The following ADCY4 variants were observed in gnomAD, a reference collection of about 807,000 sequenced individuals.
The protein encoded by ADCY4 is adenylate cyclase 4, also known as adenylate cyclase type 4.
In ADCY4, 111 loss-of-function variants were observed where a neutral mutation model predicts 125.5. The ratio of observed to expected loss-of-function variants is 0.88; its 90% CI spans 0.76 to 1.04. ADCY4 has a LOEUF of 1.04. Ranked by LOEUF, ADCY4 falls within the 50% of genes least tolerant of loss-of-function variation. ADCY4 has a pLI of 0.00. For missense variants in ADCY4, 1,256 were observed against 1,382.9 expected (o/e 0.91, Z 1.46); for synonymous variants, 576 against 586.9 (o/e 0.98, Z 0.27).
chr14:24,322,764 C>T, intron 18 of ADCY4, 56 bp from the exon 19 acceptor site: 1 of 1,589,066 alleles, frequency 6.3e-7, no homozygotes, highest in Admixed American at 1.8e-5. Flanking sequence ...TGGCCTTCTC[C>T]CTGCCCCCAT....
In ADCY4 at chr14:24,325,389, A is replaced by G; in HGVS notation, c.1811T>C (p.Leu604Pro). 2.5e-6 allele frequency: 4 copies of G among 1,613,488 alleles called. No homozygotes were observed. Among genetic ancestry groups the G allele is most frequent in the Non-Finnish European group, 3.4e-6 (4 of 1,179,876 alleles). Residue 604 changes from leucine (L) to proline (P), a missense_variant, in exon 14 of 25, where the codon CTA becomes CCA. Coordinates refer to ENST00000418030, the MANE Select transcript of ADCY4 (RefSeq NM_001198568.2). ...GGGGCACTCTCACCTGTTTGTCACT[A>G]GCATCTGGATGATGAAGTTGGAGAG... ...VFLSNFIIQM[L>P]VTNRPPALAI...
rs2041944462 is a variant in ADCY4, at chr14:24,326,362, G to C, written c.1525-20C>G. ...CTTCTCCTGTTGGGAGAGCACAGGG[G>C]GAGGTGGGCATGGTGGGTGTTTTCC... On this transcript the variant is annotated intron_variant, in intron 10 of 24. Transcript: ENST00000418030. 6.2e-7 allele frequency: 1 copy of C among 1,601,110 alleles called. No individual in the cohort carries two copies. The highest frequency in any genetic ancestry group is 8.5e-7 in the Non-Finnish European group (1 of 1,178,708).
At chr14:24,321,777 G>A in intron 20 of ADCY4, 1 of 1,120,634 alleles carries the variant, frequency 8.9e-7, no homozygotes, top group Non-Finnish European at 1.1e-6. Flanking sequence ...CGGCCTGGGG[G>A]CTGGGGACCC....
rs2041888613 is a variant in ADCY4, at chr14:24,323,449, G to A, written c.2052C>T (p.Phe684=). Residue 684 remains phenylalanine (F), a synonymous_variant, in exon 17 of 25, where the codon TTC becomes TTT. Coordinates refer to ENST00000418030, the MANE Select transcript of ADCY4 (RefSeq NM_001198568.2). The stretch of plus-strand genomic sequence containing the variant: ...AAGGGCAGTCTGATGATGTTGGGAA[G>A]AAGAACTGCAGAGGAGATGAGGAGT... ...VFAMAITSLF[F]FPTSSDCPFQ... is the part of the protein sequence containing the mutation. The A allele has an allele frequency of 6.4e-7, 1 of 1,552,972 alleles. No homozygotes were observed. Among genetic ancestry groups the A allele is most frequent in the Non-Finnish European group, 8.7e-7 (1 of 1,147,536 alleles).
At position 24,325,811 on chromosome 14, in the gene ADCY4, A is replaced by G. The variant is rs745996909; in HGVS notation, c.1725+7T>C. On this transcript the variant is annotated splice_region_variant and intron_variant, in intron 13 of 24. Transcript: ENST00000418030. The stretch of plus-strand genomic sequence containing the variant: ...AGTTGTTTGGTGCCACCCACACCAC[A>G]GCCCACCTCTTTCTCCATCTCCTTC... The G allele has an allele frequency of 1.3e-6, 2 of 1,591,962 alleles. No individual in the cohort carries two copies. Among genetic ancestry groups the G allele is most frequent in the Admixed American group, 3.5e-5 (2 of 57,764 alleles).
intron 16 of ADCY4, chr14:24,323,706 T>C (rs1308341801): frequency 5.9e-6 from 8 of 1,357,086 alleles, no homozygotes; most frequent in Non-Finnish European, 7.6e-6. Context: ...TTAGCCTCTC[T>C]GGGCCTTAGT....
At chr14:24,330,550 A>T in intron 6 of ADCY4, 1 of 464,780 alleles carries the variant, frequency 2.2e-6, no homozygotes, top group Non-Finnish European at 3.9e-6. Context: ...TGAAGGGGGT[A>T]CCCAGAGTTG....
At position 24,319,409 on chromosome 14, in the gene ADCY4, C is replaced by T. The variant is rs753454736; in HGVS notation, c.2761G>A (p.Val921Met). ...ELLSKPKFSGVEKIKTIGSTY... is the reference protein window; with the variant it reads ...ELLSKPKFSGMEKIKTIGSTY... Reference sequence around the variant, plus strand: ...CTGCCGATGGTCTTGATCTTCTCCACCCCACTGAACTTGGGCTTGGAGAGC... The same window carrying T: ...CTGCCGATGGTCTTGATCTTCTCCATCCCACTGAACTTGGGCTTGGAGAGC... Residue 921 changes from valine to methionine, a missense_variant, in exon 22 of 25, where the codon GTG becomes ATG. By Grantham distance (21) the Val-to-Met change is conservative. Transcript: ENST00000418030. This position sits in a 1 kb window ranked among gnomAD's most constrained non-coding sequence, Gnocchi z 4.5. The T allele has an allele frequency of 1.2e-6, 2 of 1,614,208 alleles. No individual in the cohort carries two copies. Among genetic ancestry groups the T allele is most frequent in the South Asian group, 2.2e-5 (2 of 91,084 alleles).
chr14:24,330,066 C>T, intron 7 of ADCY4, 48 bp from the exon 8 acceptor site: 1 of 1,599,376 alleles, frequency 6.3e-7, no homozygotes, highest in Non-Finnish European at 8.6e-7. Context: ...CTCAGCCCTG[C>T]CTGTGAGACA....
chr14:24,326,379 GT>G (rs78289669), intron 10 of ADCY4, 37 bp from the exon 11 acceptor site: 336,758 of 1,612,716 alleles, frequency 0.21, 45,560 homozygotes, highest in East Asian at 0.59. Flanking sequence ...GGCATGGTGG[GT>G]GTTTTCCCTG....
At chr14:24,327,053 C>T (rs1327352693) in intron 10 of ADCY4, among the ~76,000 whole-genome samples, 11 of 151,844 alleles carry the variant, frequency 7.2e-5, no homozygotes, top group Non-Finnish European at 7.4e-5. Flanking sequence ...CGCACCACCA[C>T]GCCTGGCTGA....
intron 18 of ADCY4, 41 bp from the exon 19 acceptor site, chr14:24,322,749 C>G (rs781775219): frequency 1.3e-6 from 2 of 1,599,200 alleles, no homozygotes; most frequent in African/African-American, 2.7e-5. Flanking sequence ...TGCTTTCCCC[C>G]TTCCTGGCCT....
Position 24,334,513 on chromosome 14 carries a change from A to G in ADCY4, c.140T>C (p.Val47Ala), listed in dbSNP as rs1206760018. 1.7e-5 allele frequency: 27 copies of G among 1,582,012 alleles called. No individual in the cohort carries two copies. Among genetic ancestry groups the G allele is most frequent in the Non-Finnish European group, 2.1e-5 (25 of 1,169,978 alleles). ...VLCALAALLA[V>A]AWASGRELTS... ...GCTCACCCTGCCGCTGGCCCAGGCC[A>G]CTGCGAGCAGCGCCGCGAGCGCACA... is the stretch of plus-strand genomic sequence containing the variant. Residue 47 changes from valine to alanine, a missense_variant, in exon 1 of 25, where the codon GTG becomes GCG. Val to Ala is a moderately conservative substitution (Grantham distance 64, BLOSUM62 0). Coordinates refer to ENST00000418030, the MANE Select transcript of ADCY4 (RefSeq NM_001198568.2).
At position 24,332,605 on chromosome 14, in the gene ADCY4, G is replaced by A. The variant is rs1222177400; in HGVS notation, c.436C>T (p.Leu146Phe). ...LGMRDAAVAG[L>F]ASSLSHLLVL... ...AGCAGATGCGAGAGTGAGGAGGCGA[G>A]GCCCGCGACGGCGGCGTCCCGCATG... Residue 146 changes from leucine to phenylalanine, a missense_variant, in exon 3 of 25, where the codon CTC (leucine) becomes TTC (phenylalanine). By Grantham distance (22) the Leu-to-Phe change is conservative. Coordinates refer to ENST00000418030, the MANE Select transcript of ADCY4 (RefSeq NM_001198568.2). The A allele has an allele frequency of 6.3e-7, 1 of 1,579,106 alleles. No individual in the cohort carries two copies. The highest frequency in any genetic ancestry group is 1.8e-5 in the Admixed American group (1 of 54,140).
chr14:24,334,720 G>T lies in ADCY4; in HGVS notation c.-68C>A. The T allele has an allele frequency of 2.3e-6, 3 of 1,318,738 alleles. No homozygotes were observed. The highest frequency in any genetic ancestry group is 2.7e-5 in the East Asian group (1 of 37,052). 81.7% of individuals were successfully genotyped at this position (1,318,738 alleles called of 1,614,324 possible). A position where few individuals can be genotyped will look rare whatever the true frequency, so the allele number is the denominator to read the frequency against. On this transcript the variant is annotated 5_prime_UTR_variant, in exon 1 of 25. Transcript: ENST00000418030. ...GCCGGGTTACCTCCTTCGGCCCGGC[G>T]GGCCCCACCTGAGCTTTTCTCACCC...
intron 10 of ADCY4, chr14:24,328,728 C>G (rs543804525): frequency 3.8e-6 from 1 of 264,096 alleles, no homozygotes; most frequent in South Asian, 6.6e-5. Flanking sequence ...TGCCTTTTCT[C>G]TTATCTCTTT....
In ADCY4 at chr14:24,326,052, C is replaced by G. The variant is rs11622863; in HGVS notation, c.1655+27G>C. 1.4e-3 allele frequency: 2,181 copies of G among 1,562,768 alleles called. 11 individuals are homozygous for G. The African/African-American group carries it at 0.016, about 11-fold the overall frequency. On this transcript the variant is annotated intron_variant, in intron 12 of 24. Coordinates refer to ENST00000418030, the MANE Select transcript of ADCY4 (RefSeq NM_001198568.2). ...ACCATATGACCTCAGGGCCTGCGGC[C>G]CCCCCAGCCCTCTTTGTTCTCCGTA... is the stretch of plus-strand genomic sequence containing the variant.
At chr14:24,331,413 G>T in intron 4 of ADCY4, 57 bp from the exon 5 acceptor site, 4 of 1,601,806 alleles carry the variant, frequency 2.5e-6, no homozygotes, top group Non-Finnish European at 2.6e-6. Context: ...AGGAGGCCCT[G>T]TCCCCCAAAT....
Position 24,324,221 on chromosome 14 carries a change from C to T in ADCY4, c.1909-22G>A, listed in dbSNP as rs201873688. 3,058 of 1,614,104 alleles carry T rather than the reference C, an allele frequency of 1.9e-3. 5 individuals are homozygous for T. Among genetic ancestry groups the T allele is most frequent in the Middle Eastern group, 3.8e-3 (23 of 6,058 alleles). On this transcript the variant is annotated intron_variant, in intron 15 of 24. Transcript: ENST00000418030. ...ACCTCTGTGGAGGGAGCATGGGCAT[C>T]TTAGCCACGGGGCTGGGGCACCCTC...
Sources: allele counts gnomAD v4.1 joint callset (sites outside exome capture counted in the v4.1 genomes callset), GRCh38; gene constraint gnomAD v4.1.1; non-coding constraint Gnocchi (gnomAD v3.1); transcripts MANE v1.5; gene names NCBI Gene and HGNC (gene_info 2026-07-23, HGNC 2026-07-21).